FHIP2B: variants seen among roughly 807,000 people sequenced by gnomAD.
FHIP2B encodes the protein FHF complex subunit HOOK interacting protein 2B.
In FHIP2B, 72 loss-of-function variants were observed where a neutral mutation model predicts 84.0. That is an observed-to-expected ratio of 0.86 (90% CI 0.71 to 1.04). The LOEUF (loss-of-function observed/expected upper bound fraction) is 1.04, where lower values mean the gene tolerates loss of function less well. Among genes scored for constraint, FHIP2B ranks in the 50% least tolerant of loss-of-function variants. The probability of loss-of-function intolerance (pLI) is 0.00; values close to 1 mark genes in which losing one functional copy is unlikely to be tolerated. For missense variants in FHIP2B, 972 were observed against 968.9 expected, an observed-to-expected ratio of 1.00 and a Z score of -0.04; for synonymous variants, 497 against 418.7, an observed-to-expected ratio of 1.19 and a Z score of -2.28.
intron 7 of FHIP2B, 147 bp from the exon 8 acceptor site, chr8:22,098,801 G>A: frequency 1.1e-6 from 1 of 931,266 alleles, no homozygotes; most frequent in Admixed American, 2.5e-5. Flanking sequence ...TGGTTTTGCT[G>A]CCTCTGTCCA....
intron 15 of FHIP2B, 78 bp from the exon 16 acceptor site, chr8:22,102,450 C>G: frequency 2.6e-6 from 4 of 1,533,658 alleles, no homozygotes; most frequent in Non-Finnish European, 3.5e-6. Flanking sequence ...GTCTCCCATG[C>G]TCTGCATGGT....
At chr8:22,094,378 T>C (rs1187605804) in intron 1 of FHIP2B, 62 bp from the exon 2 acceptor site, 1 of 1,506,300 alleles carries the variant, frequency 6.6e-7, no homozygotes, top group Non-Finnish European at 8.9e-7. Flanking sequence ...TCTGTTCCCA[T>C]GCGGGCAGGG....
Position 22,101,918 on chromosome 8 carries a change from T to C in FHIP2B, c.1851+67T>C, listed in dbSNP as rs1341585118. ...CTCTGGGGTCCTTCAAGAGCAGAGG[T>C]TGGCCACAGGGTTGCCTCTGCTTCG... On this transcript the variant is annotated intron_variant, in intron 14 of 16. Transcript: ENST00000289921. 10 of 1,573,146 alleles carry C rather than the reference T, an allele frequency of 6.4e-6. No individual in the cohort carries two copies. The East Asian group carries it at 1.8e-4, about 29-fold the overall frequency.
chr8:22,100,556 G>A lies in FHIP2B; in HGVS notation c.1342-38G>A, dbSNP rs1353716741. The A allele has an allele frequency of 2.0e-6, 3 of 1,494,120 alleles. No individual in the cohort carries two copies. In the Admixed American group the frequency reaches 7.1e-5, roughly 36 times the overall value. The allele number at this position is 1,494,120 out of a possible 1,614,324, so 92.6% of individuals were successfully genotyped here. A position where few individuals can be genotyped will look rare whatever the true frequency, so the allele number is the denominator to read the frequency against. ...CCAAGGCACCCCTGGGAGCTGGGTGGGGAAGGGGCTATCCTGCCGACCCCC... is the reference window on the plus strand; with the variant it reads ...CCAAGGCACCCCTGGGAGCTGGGTGAGGAAGGGGCTATCCTGCCGACCCCC... On this transcript the variant is annotated intron_variant, in intron 10 of 16. Transcript: ENST00000289921.
At position 22,101,717 on chromosome 8, in the gene FHIP2B, T is replaced by C. The variant is rs1368284961; in HGVS notation, c.1717T>C (p.Cys573Arg). 5 of 1,611,026 alleles carry C rather than the reference T, an allele frequency of 3.1e-6. No individual in the cohort carries two copies. The highest frequency in any genetic ancestry group is 1.1e-5 in the South Asian group (1 of 90,590). ...TTCCCGCCTGTCTCAGTTCCAGGAG[T>C]GCAGCTCCCGCGTCGCCTCCTGGGG... is the stretch of plus-strand genomic sequence containing the variant. ...VHDAYGLFQE[C>R]SSRVASWGWP... Residue 573 changes from cysteine to arginine, a missense_variant, in exon 14 of 17, where the codon TGC becomes CGC. Coordinates refer to ENST00000289921, the MANE Select transcript of FHIP2B (RefSeq NM_022749.7).
At chr8:22,102,356 G>T (rs758299806) in intron 15 of FHIP2B, 41 bp downstream of exon 15, 5 of 1,604,640 alleles carry the variant, frequency 3.1e-6, no homozygotes, top group Middle Eastern at 1.7e-4. Context: ...CTAGTGAGGT[G>T]GAGGGGACAT....
At position 22,101,852 on chromosome 8, in the gene FHIP2B, G is replaced by A; in HGVS notation, c.1851+1G>A. The A allele has an allele frequency of 6.2e-7, 1 of 1,612,988 alleles. No homozygotes were observed. On this transcript the variant is annotated splice_donor_variant, in intron 14 of 16. Coordinates refer to ENST00000289921, the MANE Select transcript of FHIP2B (RefSeq NM_022749.7). LOFTEE classifies it high-confidence loss of function. ...CCGCATGTCCCGGATTCTGGATCAG[G>A]TAGCTAGTGGGCCTGGGCCAGGAGA...
intron 3 of FHIP2B, 97 bp downstream of exon 3, chr8:22,096,606 C>T (rs1172889433): frequency 1.8e-5 from 25 of 1,395,772 alleles, no homozygotes; most frequent in Middle Eastern, 2.6e-4. Context: ...TGGGCCAGGC[C>T]GAGGTGGGAG....
In FHIP2B at chr8:22,103,009, C is replaced by T. The variant is rs1826214686; in HGVS notation, c.*78C>T. The T allele has an allele frequency of 1.4e-5, 21 of 1,516,498 alleles. No homozygotes were observed. The highest frequency in any genetic ancestry group is 1.7e-5 in the Non-Finnish European group (19 of 1,127,492). The allele number at this position is 1,516,498 out of a possible 1,614,324, so 93.9% of individuals were successfully genotyped here. ...CCTCCTGCCTGGCACTGCCGCCACA[C>T]TCCCCTCCTGGGATGGGGCTTCTGC... On this transcript the variant is annotated 3_prime_UTR_variant, in exon 17 of 17. Transcript: ENST00000289921.
rs745732311 is a variant in FHIP2B, at chr8:22,099,268, G to A, written c.1075-16G>A. The A allele has an allele frequency of 9.9e-6, 16 of 1,612,786 alleles. No individual in the cohort carries two copies. The highest frequency in any genetic ancestry group is 8.8e-5 in the South Asian group (8 of 90,830). On this transcript the variant is annotated splice_polypyrimidine_tract_variant and intron_variant, in intron 8 of 16. Coordinates refer to ENST00000289921, the MANE Select transcript of FHIP2B (RefSeq NM_022749.7). ...TGTAATGAGGGCAAAACACATTGGC[G>A]CTCTCTGGCACCCAGGTGGTTGCGG...
intron 2 of FHIP2B, chr8:22,094,821 C>T (rs1442523610): frequency 3.3e-6 from 4 of 1,213,992 alleles, no homozygotes; most frequent in Non-Finnish European, 4.1e-6. Context: ...CTGCACTTCC[C>T]CCAGCTTCCA....
In FHIP2B at chr8:22,100,640, C is replaced by A. The variant is rs1485242640; in HGVS notation, c.1388C>A (p.Pro463His). 6.3e-7 allele frequency: 1 copy of A among 1,598,244 alleles called. No individual in the cohort carries two copies. Among genetic ancestry groups the A allele is most frequent in the African/African-American group, 1.3e-5 (1 of 74,504 alleles). Residue 463 changes from proline (P) to histidine (H), a missense_variant, in exon 11 of 17, where the codon CCC (proline) becomes CAC (histidine). Coordinates refer to ENST00000289921, the MANE Select transcript of FHIP2B (RefSeq NM_022749.7). Reference sequence around the variant, plus strand: ...CTGTTTGAGGAGCTGCTGCAGAAGCCCCACGAGGGGATCATCCACAGCCTG... The same window carrying A: ...CTGTTTGAGGAGCTGCTGCAGAAGCACCACGAGGGGATCATCCACAGCCTG... Reference protein sequence around the residue: ...LRLFEELLQKPHEGIIHSLVL... With the variant: ...LRLFEELLQKHHEGIIHSLVL...
Position 22,099,827 on chromosome 8 carries a change from C to A in FHIP2B, c.1275C>A (p.Ala425=). Residue 425 remains alanine, a synonymous_variant, in exon 10 of 17, where the codon GCC becomes GCA. Coordinates refer to ENST00000289921, the MANE Select transcript of FHIP2B (RefSeq NM_022749.7). ...TGGGCACAGACCGGCAGCCTGAAGC[C>A]CCCGGGGACAACCCCCACACCCTGT... ...FLLGTDRQPE[A]PGDNPHTLYA... is the part of the protein sequence containing the mutation. The A allele has an allele frequency of 6.2e-7, 1 of 1,613,302 alleles. No individual in the cohort carries two copies. Among genetic ancestry groups the A allele is most frequent in the Non-Finnish European group, 8.5e-7 (1 of 1,179,730 alleles).
At chr8:22,095,048 T>TGGGAC in intron 2 of FHIP2B, 1 of 232,394 alleles carries the variant, frequency 4.3e-6, no homozygotes, top group Non-Finnish European at 7.1e-6. Flanking sequence ...CCTGGTCCCA[T>TGGGAC]CAGGACCGCT....
rs60525064 is a variant in FHIP2B, at chr8:22,104,831, T to TAAAAAAAAAAAAAAAAAAAAAAAA, written c.*1918_*1919insAAAAAAAAAAAAAAAAAAAAAAAA. The TAAAAAAAAAAAAAAAAAAAAAAAA allele has an allele frequency of 2.4e-5, 3 of 126,508 alleles. No individual in the cohort carries two copies. The highest frequency in any genetic ancestry group is 2.3e-4 in the East Asian group (1 of 4,412). 7.8% of individuals were successfully genotyped at this position (126,508 alleles called of 1,614,324 possible). On this transcript the variant is annotated 3_prime_UTR_variant, in exon 17 of 17. Coordinates refer to ENST00000289921, the MANE Select transcript of FHIP2B (RefSeq NM_022749.7). ...CTGGGCAATAGAGTAAGACCCTGTCTAAAAAAAAAAAAAAAAAATTTCACA... is the reference window on the plus strand; with the variant it reads ...CTGGGCAATAGAGTAAGACCCTGTCTAAAAAAAAAAAAAAAAAAAAAAAAAAAAAAAAAAAAAAAAAATTTCACA...
intron 3 of FHIP2B, among the ~76,000 whole-genome samples, 176 bp from the exon 4 acceptor site, chr8:22,097,340 G>A (rs1295225199): frequency 2.0e-5 from 3 of 151,652 alleles, no homozygotes; most frequent in South Asian, 2.1e-4. Flanking sequence ...CCAGGCATGC[G>A]GCAGGCAGGG....
intron 1 of FHIP2B, among the ~76,000 whole-genome samples, chr8:22,092,783 T>G (rs1417320562): frequency 6.6e-6 from 1 of 152,114 alleles, no homozygotes; most frequent in East Asian, 1.9e-4. Flanking sequence ...TCTTCAAGTT[T>G]TAGTTGAGAT....
chr8:22,093,147 C>T (rs747860134), intron 1 of FHIP2B, among the ~76,000 whole-genome samples: 17 of 152,104 alleles, frequency 1.1e-4, no homozygotes, highest in Non-Finnish European at 2.4e-4. Flanking sequence ...GGGGACTGAA[C>T]CTCACTGGGG....
intron 1 of FHIP2B, among the ~76,000 whole-genome samples, chr8:22,093,535 G>T (rs1449141054): frequency 6.6e-6 from 1 of 152,082 alleles, no homozygotes; most frequent in Middle Eastern, 3.2e-3. Flanking sequence ...AGGAGTTGGG[G>T]TTGTGCAGGC....
Sources: gnomAD v4.1 joint callset for allele counts (sites outside exome capture counted in the v4.1 genomes callset) on GRCh38, gnomAD v4.1.1 for gene constraint, MANE v1.5 for transcripts, NCBI Gene and HGNC (gene_info 2026-07-23, HGNC 2026-07-21) for gene names.